PSIP1: variants seen among roughly 807,000 people sequenced by gnomAD.
The protein encoded by PSIP1 is PC4 and SFRS1-interacting protein.
Under a neutral mutation model 74.7 loss-of-function variants are expected in PSIP1, and 19 were observed. That is an observed-to-expected ratio of 0.25 (90% CI 0.18 to 0.37). The LOEUF is 0.37. Among genes scored for constraint, PSIP1 ranks in the 10% least tolerant of loss-of-function variants. The pLI, the probability that PSIP1 is intolerant of heterozygous loss-of-function variation, is 1.00. For synonymous variants in PSIP1, 222 were observed against 195.3 expected, an observed-to-expected ratio of 1.14 and a Z score of -1.14; for missense variants, 601 against 614.3, an observed-to-expected ratio of 0.98 and a Z score of 0.23.
At chr9:15,502,504 G>A (rs186340895) in intron 3 of PSIP1, among the ~76,000 whole-genome samples, 1 of 152,164 alleles carries the variant, frequency 6.6e-6, no homozygotes, top group African/African-American at 2.4e-5. Flanking sequence ...GAACTCCTGG[G>A]ATCAAGGGAT....
chr9:15,499,083 T>G (rs1055621555), intron 3 of PSIP1, among the ~76,000 whole-genome samples: 3 of 152,196 alleles, frequency 2.0e-5, no homozygotes, highest in Admixed American at 1.3e-4. Flanking sequence ...AAACCTCATT[T>G]TAAAGATGAG....
chr9:15,479,783 G>A, intron 6 of PSIP1, 96 bp from the exon 7 acceptor site: 1 of 861,720 alleles, frequency 1.2e-6, no homozygotes, highest in Non-Finnish European at 1.9e-6. Context: ...GTAACGTTGA[G>A]TTCAAGTATA....
intron 14 of PSIP1, chr9:15,468,427 G>A (rs763704803): frequency 1.7e-5 from 13 of 761,798 alleles, no homozygotes; most frequent in South Asian, 4.1e-5. Context: ...CTTAGAAGTC[G>A]AATATAAACT....
intron 10 of PSIP1, chr9:15,471,860 A>C (rs958528429): frequency 2.0e-6 from 2 of 978,022 alleles, no homozygotes; most frequent in Non-Finnish European, 2.4e-6. Flanking sequence ...CACCTCACTA[A>C]AACAACAACA....
intron 4 of PSIP1, among the ~76,000 whole-genome samples, chr9:15,488,658 G>T (rs1012775231): frequency 1.3e-5 from 2 of 152,140 alleles, no homozygotes; most frequent in Admixed American, 6.5e-5. Flanking sequence ...AAGCCGAGGT[G>T]GGCAGATCAC....
At chr9:15,482,898 A>T (rs1325652196) in intron 6 of PSIP1, among the ~76,000 whole-genome samples, 1 of 152,180 alleles carries the variant, frequency 6.6e-6, no homozygotes, top group South Asian at 2.1e-4. Context: ...AGTATCCTAG[A>T]GCAGCCTATG....
intron 6 of PSIP1, among the ~76,000 whole-genome samples, chr9:15,481,060 T>G (rs1349158727): frequency 6.6e-6 from 1 of 152,270 alleles, no homozygotes; most frequent in Admixed American, 6.5e-5. Flanking sequence ...AAAACTCATC[T>G]AAGGTAACCC....
chr9:15,503,380 TA>T (rs1229196452), intron 3 of PSIP1, among the ~76,000 whole-genome samples: 1 of 147,382 alleles, frequency 6.8e-6, no homozygotes, highest in East Asian at 2.0e-4. Flanking sequence ...AATAAAAAAA[TA>T]AAAAAATAAA....
intron 8 of PSIP1, among the ~76,000 whole-genome samples, chr9:15,476,778 A>G (rs1483403246): frequency 6.6e-6 from 1 of 152,246 alleles, no homozygotes; most frequent in East Asian, 1.9e-4. Context: ...AAAGTATTAC[A>G]TTACCAAAAG....
intron 3 of PSIP1, among the ~76,000 whole-genome samples, chr9:15,500,185 G>A (rs915690376): frequency 3.3e-5 from 5 of 152,050 alleles, no homozygotes; most frequent in African/African-American, 4.8e-5. Context: ...AGATCAATAG[G>A]GCTGGGCGTG....
chr9:15,495,385 C>G (rs561030428), intron 3 of PSIP1, among the ~76,000 whole-genome samples: 28 of 152,132 alleles, frequency 1.8e-4, no homozygotes, highest in Admixed American at 9.2e-4. Flanking sequence ...TCTTAATAAT[C>G]AATGGGAAAA....
At chr9:15,484,981 G>A (rs1408142218) in intron 6 of PSIP1, among the ~76,000 whole-genome samples, 1 of 151,950 alleles carries the variant, frequency 6.6e-6, no homozygotes, top group Admixed American at 6.6e-5. Context: ...CTATTAGGGA[G>A]GGTAAGATGG....
chr9:15,506,686 C>A, intron 2 of PSIP1, 49 bp from the exon 3 acceptor site: 1 of 1,350,786 alleles, frequency 7.4e-7, no homozygotes, highest in South Asian at 1.2e-5. Flanking sequence ...ATACACACCT[C>A]AACATTTATC....
At chr9:15,484,160 TAAAAAAA>T (rs954857624) in intron 6 of PSIP1, among the ~76,000 whole-genome samples, 24 of 141,128 alleles carry the variant, frequency 1.7e-4, no homozygotes, top group Admixed American at 2.9e-4. Context: ...AATTTATATT[TAAAAAAA>T]AAAAGAAAAA....
At chr9:15,469,453 T>C (rs1018321221) in intron 11 of PSIP1, 117 bp from the exon 12 acceptor site, 2 of 615,066 alleles carry the variant, frequency 3.3e-6, no homozygotes, top group Admixed American at 3.5e-5. Context: ...TAGTAATCTT[T>C]ACTAAGAAGC....
intron 6 of PSIP1, among the ~76,000 whole-genome samples, chr9:15,484,111 G>A (rs1457924986): frequency 7.5e-6 from 1 of 133,136 alleles, no homozygotes; most frequent in Non-Finnish European, 1.6e-5. Context: ...CAGTCTGGGT[G>A]ACAGAATGAA....
At chr9:15,507,802 A>G (rs181527593) in intron 2 of PSIP1, among the ~76,000 whole-genome samples, 3 of 152,324 alleles carry the variant, frequency 2.0e-5, no homozygotes, top group African/African-American at 7.2e-5. Context: ...GTTGCAGAAG[A>G]AGACCATCAG....
intron 8 of PSIP1, among the ~76,000 whole-genome samples, chr9:15,474,982 G>C (rs1199047399): frequency 6.6e-6 from 1 of 152,156 alleles, no homozygotes; most frequent in African/African-American, 2.4e-5. Context: ...AGCTTGAAGA[G>C]ACTTCCTATC....
chr9:15,501,867 A>ATATAT (rs1188842040), intron 3 of PSIP1, among the ~76,000 whole-genome samples: 1 of 144,418 alleles, frequency 6.9e-6, no homozygotes, highest in Non-Finnish European at 1.5e-5. Context: ...ATATATATAT[A>ATATAT]AAACGCACAC....
Sources: gnomAD v4.1 joint callset for allele counts (sites outside exome capture counted in the v4.1 genomes callset) on GRCh38, gnomAD v4.1.1 for gene constraint, MANE v1.5 for transcripts, NCBI Gene and HGNC (gene_info 2026-07-23, HGNC 2026-07-21) for gene names.